The following MARCHF10 variants were observed in gnomAD, a reference collection of about 807,000 sequenced individuals.
MARCHF10 encodes membrane associated ring-CH-type finger 10, also known as probable E3 ubiquitin-protein ligase MARCHF10.
In MARCHF10, 64 loss-of-function variants were observed where a neutral mutation model predicts 76.2. The observed-to-expected ratio is 0.84, with a 90% CI of 0.69 to 1.03. The LOEUF (loss-of-function observed/expected upper bound fraction) is 1.03. Ranked by LOEUF, MARCHF10 falls within the 50% of genes least tolerant of loss-of-function variation. The pLI, the probability that MARCHF10 is intolerant of heterozygous loss-of-function variation, is 0.00. For synonymous variants in MARCHF10, 340 were observed against 357.5 expected (o/e 0.95, Z 0.55); for missense variants, 875 against 958.0 (o/e 0.91, Z 1.14).
At chr17:62,788,451 A>T (rs1418546978) in intron 3 of MARCHF10, 29 bp downstream of exon 3, 1 of 1,613,306 alleles carries the variant, frequency 6.2e-7, no homozygotes, top group Non-Finnish European at 8.5e-7. Flanking sequence ...CAGCAGCCCC[A>T]GGAGACTGTC....
chr17:62,774,492 G>C (rs1400569579), intron 3 of MARCHF10, among the ~76,000 whole-genome samples: 4 of 152,192 alleles, frequency 2.6e-5, no homozygotes, highest in African/African-American at 9.7e-5. Context: ...GAGCCTGGTG[G>C]GCAGTGGTCT....
chr17:62,800,239 G>A (rs977333906), intron 2 of MARCHF10, among the ~76,000 whole-genome samples: 2 of 152,126 alleles, frequency 1.3e-5, no homozygotes, highest in Non-Finnish European at 2.9e-5. Flanking sequence ...AAATAAAACG[G>A]CAACGGCTCA....
At chr17:62,802,928 A>G (rs1056048802) in intron 1 of MARCHF10, among the ~76,000 whole-genome samples, 1 of 152,224 alleles carries the variant, frequency 6.6e-6, no homozygotes, top group African/African-American at 2.4e-5. Context: ...TCTGGGAAGT[A>G]AATGATTAGA....
intron 8 of MARCHF10, among the ~76,000 whole-genome samples, chr17:62,718,488 GGGCTGCAC>G (rs1305325908): frequency 6.6e-6 from 1 of 152,222 alleles, no homozygotes; most frequent in Non-Finnish European, 1.5e-5. Flanking sequence ...GCATTCCCCT[GGGCTGCAC>G]GGTGTTTGTG....
At chr17:62,715,447 C>T (rs779611326) in intron 8 of MARCHF10, among the ~76,000 whole-genome samples, 8 of 152,230 alleles carry the variant, frequency 5.3e-5, no homozygotes, top group Non-Finnish European at 1.0e-4. Flanking sequence ...AACCTGTTTT[C>T]ACCTCATCCA....
intron 3 of MARCHF10, among the ~76,000 whole-genome samples, chr17:62,781,826 T>C (rs1418564265): frequency 6.6e-6 from 1 of 152,190 alleles, no homozygotes; most frequent in Non-Finnish European, 1.5e-5. Flanking sequence ...TGATGAAAAC[T>C]GCAATATAAG....
rs374959594 is a variant in MARCHF10 at position 62,744,368 on chromosome 17, G to A, written c.535+8C>T. 1.9e-6 allele frequency: 3 copies of A among 1,612,942 alleles called. No individual in the cohort carries two copies. The highest frequency in any genetic ancestry group is 1.7e-4 in the Middle Eastern group (1 of 6,036). ...AAGGACAAAGGTTCGGGAGCCCCGG[G>A]TCCTTACCTGCTCCCCTGGGAACCG... On this transcript the variant is annotated splice_region_variant and intron_variant, in intron 5 of 10. Coordinates refer to ENST00000311269, the MANE Select transcript of MARCHF10 (RefSeq NM_152598.4).
At chr17:62,708,346 C>T (rs561597044) in intron 9 of MARCHF10, among the ~76,000 whole-genome samples, 46 of 151,852 alleles carry the variant, frequency 3.0e-4, no homozygotes, top group African/African-American at 8.9e-4. Flanking sequence ...CCCGGGTTCA[C>T]GCCATTCTCC....
intron 3 of MARCHF10, among the ~76,000 whole-genome samples, chr17:62,775,994 T>G (rs562676781): frequency 2.6e-5 from 4 of 152,058 alleles, no homozygotes; most frequent in African/African-American, 9.6e-5. Flanking sequence ...GATGAGGTGT[T>G]GCTGTGTTGC....
At chr17:62,732,430 G>A (rs566107218) in intron 6 of MARCHF10, among the ~76,000 whole-genome samples, 13 of 152,350 alleles carry the variant, frequency 8.5e-5, no homozygotes, top group African/African-American at 2.6e-4. Context: ...ACTGGGGCCT[G>A]TTGAGGCATG....
In MARCHF10 at chr17:62,759,904, T is replaced by C. The variant is rs1324910602; in HGVS notation, c.313A>G (p.Lys105Glu). ...GTCATGGTACTTTTATGTTTCTGCT[T>C]GACTGATGTTTGGTCAATTGCTGGA... The part of the protein sequence containing the change: ...KLPAIDQTSV[K>E]QKHKSTMTVR... Residue 105 changes from lysine to glutamate, a missense_variant, in exon 4 of 11, where the codon AAG becomes GAG. Coordinates refer to ENST00000311269, the MANE Select transcript of MARCHF10 (RefSeq NM_152598.4). 6.2e-7 allele frequency: 1 copy of C among 1,614,136 alleles called. No homozygotes were observed.
rs185572699 is a variant in MARCHF10 at position 62,793,990 on chromosome 17, C to T, written c.91-5391G>A. Among the ~76,000 whole-genome samples the T allele has an allele frequency of 9.9e-4, 150 of 151,764 alleles. 1 individual carries two copies. In the East Asian group the frequency reaches 0.027, roughly 27 times the overall value. Reference sequence around the variant, plus strand: ...CCACCACCACTTCCATCACCACCACCACCACCTCCATCATGACCACCATCA... The same window carrying T: ...CCACCACCACTTCCATCACCACCACTACCACCTCCATCATGACCACCATCA... On this transcript the variant is annotated intron_variant, in intron 2 of 10. Transcript: ENST00000311269.
chr17:62,748,405 A>AAAACAAACAAAC (rs147656820), intron 4 of MARCHF10, among the ~76,000 whole-genome samples: 11 of 147,772 alleles, frequency 7.4e-5, no homozygotes, highest in Admixed American at 2.7e-4. Flanking sequence ...CTCCATCTCA[A>AAAACAAACAAAC]AAACAAACAA....
At chr17:62,762,545 CTCTT>C (rs376208585) in intron 3 of MARCHF10, among the ~76,000 whole-genome samples, 20 of 152,160 alleles carry the variant, frequency 1.3e-4, no homozygotes, top group African/African-American at 4.3e-4. Flanking sequence ...CCCATCTATC[CTCTT>C]TCTTTCTTTT....
At chr17:62,801,792 C>G in intron 1 of MARCHF10, 40 bp from the exon 2 acceptor site, 1 of 1,400,330 alleles carries the variant, frequency 7.1e-7, no homozygotes, top group South Asian at 1.2e-5. Context: ...TGTTAGAGTC[C>G]TTTGTCGTGA....
At chr17:62,754,112 G>A (rs141080213) in intron 4 of MARCHF10, among the ~76,000 whole-genome samples, 4 of 152,014 alleles carry the variant, frequency 2.6e-5, no homozygotes, top group African/African-American at 4.8e-5. Context: ...TCACTCTGTC[G>A]CCCAGGCTGG....
Position 62,701,497 on chromosome 17 carries a change from G to T in MARCHF10, c.*206C>A. On this transcript the variant is annotated 3_prime_UTR_variant, in exon 11 of 11. Transcript: ENST00000311269. ...TCCACAGTCCCACGCTGCTTGACCT[G>T]TGCTGTCTGGGACTAGACTGGTCGC... The T allele has an allele frequency of 8.4e-7, 1 of 1,188,690 alleles. No homozygotes were observed. The highest frequency in any genetic ancestry group is 1.2e-6 in the Non-Finnish European group (1 of 869,344). The allele number at this position is 1,188,690 out of a possible 1,614,324, so 73.6% of individuals were successfully genotyped here. A position where few individuals can be genotyped will look rare whatever the true frequency, so the allele number is the denominator to read the frequency against.
At chr17:62,801,442 C>T (rs58175156) in intron 2 of MARCHF10, among the ~76,000 whole-genome samples, 2,610 of 150,926 alleles carry the variant, frequency 0.017, 81 homozygotes, top group African/African-American at 0.061. Flanking sequence ...CATGAGCCAC[C>T]GTGCCCAGCT....
chr17:62,767,127 G>A (rs1327377285), intron 3 of MARCHF10, among the ~76,000 whole-genome samples: 2 of 152,186 alleles, frequency 1.3e-5, no homozygotes, highest in Non-Finnish European at 2.9e-5. Flanking sequence ...GGGCCAGATT[G>A]TGGGGAGCCC....
Sources: allele counts gnomAD v4.1 joint callset (sites outside exome capture counted in the v4.1 genomes callset), GRCh38; gene constraint gnomAD v4.1.1; transcripts MANE v1.5; gene names NCBI Gene and HGNC (gene_info 2026-07-23, HGNC 2026-07-21).